Variants in HMGN3 observed in about 807,000 individuals in gnomAD.
HMGN3 encodes the protein high mobility group nucleosomal binding domain 3.
HMGN3 carries 6 observed loss-of-function variants against 18.8 expected under a neutral mutation model. The observed-to-expected ratio is 0.32, with a 90% CI of 0.18 to 0.63. HMGN3 has a LOEUF of 0.63. Ranked by LOEUF, HMGN3 falls within the 30% of genes least tolerant of loss-of-function variation. The pLI, the probability that HMGN3 is intolerant of heterozygous loss-of-function variation, is 0.79. For missense variants in HMGN3, 107 were observed against 114.2 expected (o/e 0.94, Z 0.29); for synonymous variants, 40 against 36.5 (o/e 1.10, Z -0.35).
chr6:79,217,267 A>G (rs918248271), intron 1 of HMGN3, among the ~76,000 whole-genome samples: 1 of 152,210 alleles, frequency 6.6e-6, no homozygotes, highest in African/African-American at 2.4e-5. Flanking sequence ...AGGAACAATC[A>G]ATCTTTACCG....
chr6:79,208,611 G>C, intron 2 of HMGN3, 35 bp from the exon 3 acceptor site: 1 of 1,534,284 alleles, frequency 6.5e-7, no homozygotes, highest in South Asian at 1.1e-5. Flanking sequence ...CATATTTTTT[G>C]GTGATTATAT....
chr6:79,206,999 A>G (rs556684393), intron 3 of HMGN3, among the ~76,000 whole-genome samples: 1 of 152,322 alleles, frequency 6.6e-6, no homozygotes, highest in South Asian at 2.1e-4. Context: ...GTTTTGGCCA[A>G]TTTCTCCCAT....
chr6:79,204,922 G>C (rs1360705569), intron 3 of HMGN3, among the ~76,000 whole-genome samples: 4 of 152,038 alleles, frequency 2.6e-5, no homozygotes, highest in African/African-American at 7.3e-5. Context: ...TTGATATACT[G>C]TATTAATATA....
intron 3 of HMGN3, 55 bp from the exon 4 acceptor site, chr6:79,203,685 A>T: frequency 7.7e-7 from 1 of 1,298,114 alleles, no homozygotes; most frequent in Non-Finnish European, 1.1e-6. Context: ...AACTATCAGC[A>T]CCAAAAGAAA....
intron 3 of HMGN3, among the ~76,000 whole-genome samples, chr6:79,208,325 A>G (rs1463508495): frequency 6.6e-6 from 1 of 152,162 alleles, no homozygotes; most frequent in Non-Finnish European, 1.5e-5. Context: ...CCTGCTTTAT[A>G]TTCTTCGTTA....
chr6:79,220,517 G>C (rs1287494368), intron 1 of HMGN3, among the ~76,000 whole-genome samples: 1 of 152,172 alleles, frequency 6.6e-6, no homozygotes, highest in Non-Finnish European at 1.5e-5. Context: ...CGCGATCTCG[G>C]CTCACTTCAA....
chr6:79,229,466 T>C (rs149922551), intron 1 of HMGN3, among the ~76,000 whole-genome samples: 2 of 152,286 alleles, frequency 1.3e-5, no homozygotes, highest in East Asian at 1.9e-4. Context: ...TACAGAAATA[T>C]AAATTAAAAT....
At chr6:79,222,047 C>T (rs1189967844) in intron 1 of HMGN3, among the ~76,000 whole-genome samples, 3 of 152,046 alleles carry the variant, frequency 2.0e-5, no homozygotes, top group African/African-American at 7.2e-5. Flanking sequence ...TAGCTGAAGG[C>T]CTACAGTAAT....
At chr6:79,202,218 T>C (rs79282883) in intron 5 of HMGN3, 58 bp downstream of exon 5, 58,420 of 1,612,476 alleles carry the variant, frequency 0.036, 1,242 homozygotes, top group Non-Finnish European at 0.041. Context: ...GGCTGAAGGA[T>C]TGAGAAATTT....
chr6:79,214,376 T>C (rs1238153735), intron 2 of HMGN3, among the ~76,000 whole-genome samples: 3 of 151,982 alleles, frequency 2.0e-5, no homozygotes, highest in Non-Finnish European at 4.4e-5. Flanking sequence ...TAACTTTTTA[T>C]ATTTTTAGTA....
At chr6:79,202,282 A>G in exon 5 of HMGN3, 9 of 1,614,058 alleles carry the variant, frequency 5.6e-6, no homozygotes, top group Non-Finnish European at 6.8e-6. Context: ...GTACCTCTTC[A>G]GCTTTAGTTT....
At chr6:79,216,689 G>A (rs1042760263) in intron 1 of HMGN3, among the ~76,000 whole-genome samples, 2 of 152,124 alleles carry the variant, frequency 1.3e-5, no homozygotes, top group Non-Finnish European at 1.5e-5. Flanking sequence ...GGAATATTTC[G>A]TTTATAGATC....
chr6:79,208,626 C>T (rs375601664), intron 2 of HMGN3, 50 bp from the exon 3 acceptor site: 31 of 1,412,916 alleles, frequency 2.2e-5, no homozygotes, highest in South Asian at 1.2e-4. Flanking sequence ...TTATATAAAA[C>T]GAAGTTGATT....
chr6:79,220,569 C>T (rs1167179776), intron 1 of HMGN3, among the ~76,000 whole-genome samples: 1 of 152,182 alleles, frequency 6.6e-6, no homozygotes, highest in East Asian at 1.9e-4. Context: ...GCCTCAGCCT[C>T]CAGAGTAGCT....
At chr6:79,222,419 A>G (rs376798514) in intron 1 of HMGN3, among the ~76,000 whole-genome samples, 8 of 152,008 alleles carry the variant, frequency 5.3e-5, no homozygotes, top group African/African-American at 1.9e-4. Context: ...TCTTCAGCTA[A>G]AATGAACACA....
intron 1 of HMGN3, among the ~76,000 whole-genome samples, chr6:79,224,634 T>A (rs990567795): frequency 5.9e-5 from 9 of 152,180 alleles, no homozygotes; most frequent in Non-Finnish European, 1.2e-4. Flanking sequence ...TCCATATGGT[T>A]GTTGCATTTG....
intron 2 of HMGN3, among the ~76,000 whole-genome samples, chr6:79,210,388 A>T (rs1335809758): frequency 6.6e-6 from 1 of 152,166 alleles, no homozygotes; most frequent in Non-Finnish European, 1.5e-5. Context: ...TGAAAGTGAC[A>T]GTCTCCATGC....
intron 3 of HMGN3, 48 bp from the exon 4 acceptor site, chr6:79,203,678 TATCAGCACC>T: frequency 7.9e-7 from 1 of 1,270,308 alleles, no homozygotes; most frequent in South Asian, 1.3e-5. Context: ...AAAAAAAAAC[TATCAGCACC>T]AAAAGAAACA....
At chr6:79,228,864 T>C (rs920052157) in intron 1 of HMGN3, among the ~76,000 whole-genome samples, 11 of 152,176 alleles carry the variant, frequency 7.2e-5, no homozygotes, top group South Asian at 2.1e-4. Flanking sequence ...ACTGCTCACC[T>C]AGCCAAGATA....
Sources: allele counts gnomAD v4.1 joint callset (sites outside exome capture counted in the v4.1 genomes callset), GRCh38; gene constraint gnomAD v4.1.1; transcripts MANE v1.5; gene names NCBI Gene and HGNC (gene_info 2026-07-23, HGNC 2026-07-21).